Variants in CUEDC1 observed in about 807,000 individuals in gnomAD.
CUEDC1 encodes the protein CUE domain-containing protein 1.
Under a neutral mutation model 43.7 loss-of-function variants are expected in CUEDC1, and 30 were observed. That is an observed-to-expected ratio of 0.69 (90% CI 0.51 to 0.93). The LOEUF (loss-of-function observed/expected upper bound fraction) is 0.93. Among genes scored for constraint, CUEDC1 ranks in the 40% least tolerant of loss-of-function variants. The probability of loss-of-function intolerance (pLI) is 0.00; values close to 1 mark genes in which losing one functional copy is unlikely to be tolerated. For synonymous variants in CUEDC1, 223 were observed against 223.6 expected, an observed-to-expected ratio of 1.00 and a Z score of 0.02; for missense variants, 486 against 549.0, an observed-to-expected ratio of 0.89 and a Z score of 1.15.
chr17:57,879,849 G>T, intron 2 of CUEDC1, 111 bp from the exon 3 acceptor site: 1 of 1,094,148 alleles, frequency 9.1e-7, no homozygotes, highest in Non-Finnish European at 1.3e-6. Flanking sequence ...AACTCTGTGT[G>T]TTGCTAGTGG....
intron 1 of CUEDC1, among the ~76,000 whole-genome samples, chr17:57,894,714 T>C (rs2144989428): frequency 6.6e-6 from 1 of 152,000 alleles, no homozygotes; most frequent in Middle Eastern, 3.4e-3. Flanking sequence ...GACCTTTTCT[T>C]TTCTAATTTT....
rs759340761 is a variant in CUEDC1, at chr17:57,871,268, C to T, written c.868+18G>A. On this transcript the variant is annotated intron_variant, in intron 6 of 10. Coordinates refer to ENST00000577830, the MANE Select transcript of CUEDC1 (RefSeq NM_001271875.2). ...CCCACTATGCCTCTAGGTTTTCTTC[C>T]CCAGAAGGCAAAGTTACCTGGGACA... is the stretch of plus-strand genomic sequence containing the variant. The T allele has an allele frequency of 2.5e-5, 40 of 1,601,098 alleles. No individual in the cohort carries two copies. Among genetic ancestry groups the T allele is most frequent in the Non-Finnish European group, 3.3e-5 (39 of 1,168,320 alleles).
intron 6 of CUEDC1, 107 bp downstream of exon 6, chr17:57,871,179 A>G: frequency 2.2e-6 from 2 of 908,012 alleles, no homozygotes; most frequent in Admixed American, 1.8e-5. Context: ...GCCCCCTCCC[A>G]CAATCTGTTT....
At chr17:57,937,160 T>C (rs1567723957) in intron 1 of CUEDC1, among the ~76,000 whole-genome samples, 1 of 152,222 alleles carries the variant, frequency 6.6e-6, no homozygotes, top group East Asian at 1.9e-4. Flanking sequence ...CTGCCATGGT[T>C]CCCTGGAATC....
intron 5 of CUEDC1, among the ~76,000 whole-genome samples, chr17:57,872,453 G>C (rs925934864): frequency 6.6e-6 from 1 of 152,010 alleles, no homozygotes; most frequent in Admixed American, 6.5e-5. Context: ...TCTGAGTCCC[G>C]AGGGAGAAAG....
intron 2 of CUEDC1, among the ~76,000 whole-genome samples, chr17:57,880,324 C>T (rs1472278514): frequency 2.0e-5 from 3 of 152,210 alleles, no homozygotes; most frequent in Admixed American, 6.5e-5. Flanking sequence ...GGATATGGCT[C>T]ATTACCCCAT....
chr17:57,951,393 C>T (rs1190189126), intron 1 of CUEDC1, among the ~76,000 whole-genome samples: 1 of 152,062 alleles, frequency 6.6e-6, no homozygotes. Flanking sequence ...AACAACTAAG[C>T]TATGATGAAA....
At chr17:57,917,137 C>G (rs2074650566) in intron 1 of CUEDC1, among the ~76,000 whole-genome samples, 1 of 152,238 alleles carries the variant, frequency 6.6e-6, no homozygotes, top group Admixed American at 6.5e-5. Context: ...CACTAGGTCC[C>G]TGAGGTTGCC....
chr17:57,929,535 C>T (rs1408679007), intron 1 of CUEDC1, among the ~76,000 whole-genome samples: 2 of 152,158 alleles, frequency 1.3e-5, no homozygotes, highest in African/African-American at 4.8e-5. Flanking sequence ...GCACAATATC[C>T]AAGCATGTGA....
intron 1 of CUEDC1, among the ~76,000 whole-genome samples, chr17:57,935,018 T>A (rs978267108): frequency 6.6e-6 from 1 of 152,162 alleles, no homozygotes; most frequent in African/African-American, 2.4e-5. Context: ...CGTTCCCCAT[T>A]TTTATACTTG....
chr17:57,908,615 G>A (rs1167701912), intron 1 of CUEDC1, among the ~76,000 whole-genome samples: 1 of 152,190 alleles, frequency 6.6e-6, no homozygotes, highest in Non-Finnish European at 1.5e-5. Flanking sequence ...GTATCCAGGG[G>A]CTTCCTGAAA....
intron 1 of CUEDC1, among the ~76,000 whole-genome samples, chr17:57,943,847 A>T (rs538383626): frequency 6.6e-6 from 1 of 152,308 alleles, no homozygotes; most frequent in East Asian, 1.9e-4. Context: ...CAAGACTGTG[A>T]TCTGTACACT....
chr17:57,928,113 T>C (rs1040658781), intron 1 of CUEDC1, among the ~76,000 whole-genome samples: 4 of 152,158 alleles, frequency 2.6e-5, no homozygotes, highest in Admixed American at 1.3e-4. Flanking sequence ...GAAGGCTCTG[T>C]GAGATTTCTG....
At chr17:57,945,991 CAAAAATA>C (rs1301184845) in intron 1 of CUEDC1, among the ~76,000 whole-genome samples, 1 of 149,410 alleles carries the variant, frequency 6.7e-6, no homozygotes, top group Non-Finnish European at 1.5e-5. Flanking sequence ...GACTCCACCT[CAAAAATA>C]AAAAATAAAA....
chr17:57,894,052 C>G (rs2074384332), intron 1 of CUEDC1, among the ~76,000 whole-genome samples: 1 of 152,132 alleles, frequency 6.6e-6, no homozygotes, highest in Admixed American at 6.5e-5. Context: ...AAGATCGTAC[C>G]ACTGCACTCC....
Position 57,885,456 on chromosome 17 carries a change from G to A in CUEDC1, c.109C>T (p.Arg37Trp), listed in dbSNP as rs758136599. 6.3e-7 allele frequency: 1 copy of A among 1,594,884 alleles called. No homozygotes were observed. Among genetic ancestry groups the A allele is most frequent in the Non-Finnish European group, 8.5e-7 (1 of 1,173,412 alleles). ...TAAPQELNNS[R>W]PARQVRRLEF... ...AGGCGGCGCACCTGGCGGGCAGGCC[G>A]GCTGTTGTTGAGCTCCTGGGGGGCG... The change falls in exon 2 of 11, where the codon CGG (arginine) becomes TGG (tryptophan). Residue 37 changes from arginine (R) to tryptophan (W), a missense_variant. Transcript: ENST00000577830.
At chr17:57,909,218 C>T (rs1300882343) in intron 1 of CUEDC1, among the ~76,000 whole-genome samples, 1 of 152,082 alleles carries the variant, frequency 6.6e-6, no homozygotes, top group African/African-American at 2.4e-5. Context: ...AGGCTGGTCT[C>T]GAACTCCTGA....
Position 57,930,099 on chromosome 17 carries a change from G to A in CUEDC1, c.-316+25126C>T, listed in dbSNP as rs754720517. Among the ~76,000 whole-genome samples the A allele has an allele frequency of 6.6e-6, 1 of 152,030 alleles. No individual in the cohort carries two copies. Among genetic ancestry groups the A allele is most frequent in the Non-Finnish European group, 1.5e-5 (1 of 68,000 alleles). On this transcript the variant is annotated intron_variant, in intron 1 of 10. Coordinates refer to ENST00000577830, the MANE Select transcript of CUEDC1 (RefSeq NM_001271875.2). The surrounding 1 kb of genome is among the most constrained non-coding windows in gnomAD (Gnocchi z 4.2). The stretch of plus-strand genomic sequence containing the variant: ...ATTACAGGCGTGAGCCACTGCGCCC[G>A]GCCACTTCTCAGACTTTAATGTGCA...
At chr17:57,908,971 T>G (rs776295030) in intron 1 of CUEDC1, among the ~76,000 whole-genome samples, 11 of 151,938 alleles carry the variant, frequency 7.2e-5, no homozygotes, top group Non-Finnish European at 1.5e-4. Context: ...CACTCCAGCC[T>G]GGGTGACAGA....
Sources: allele counts gnomAD v4.1 joint callset (sites outside exome capture counted in the v4.1 genomes callset), GRCh38; gene constraint gnomAD v4.1.1; non-coding constraint Gnocchi (gnomAD v3.1); transcripts MANE v1.5; gene names NCBI Gene and HGNC (gene_info 2026-07-23, HGNC 2026-07-21).